IFT140: variants seen among roughly 807,000 people sequenced by gnomAD.
IFT140 encodes the protein intraflagellar transport 140.
In IFT140, 133 loss-of-function variants were observed where a neutral mutation model predicts 164.6. The observed-to-expected ratio is 0.81, with a 90% CI of 0.70 to 0.93. The LOEUF (loss-of-function observed/expected upper bound fraction) is 0.93. IFT140 is among the 40% of genes least tolerant of loss of function. IFT140 has a pLI of 0.00. For synonymous variants in IFT140, 860 were observed against 817.3 expected, an observed-to-expected ratio of 1.05 and a Z score of -0.89; for missense variants, 2,045 against 1,972.3, an observed-to-expected ratio of 1.04 and a Z score of -0.70.
At chr16:1,534,540 C>T (rs1178115225) in intron 19 of IFT140, 11 of 1,604,312 alleles carry the variant, frequency 6.9e-6, no homozygotes, top group African/African-American at 4.0e-5. Flanking sequence ...CCAGGAGTCC[C>T]GAGGCACCGT....
intron 30 of IFT140, among the ~76,000 whole-genome samples, chr16:1,515,044 C>G (rs2141117690): frequency 6.6e-6 from 1 of 151,680 alleles, no homozygotes; most frequent in South Asian, 2.1e-4. Flanking sequence ...CAAATTAATC[C>G]AAAGGACAGA....
intron 3 of IFT140, among the ~76,000 whole-genome samples, chr16:1,603,225 G>C (rs911067534): frequency 2.6e-5 from 4 of 152,066 alleles, no homozygotes; most frequent in Admixed American, 2.0e-4. Context: ...TGCGTGGCTG[G>C]GTTCCCTAAA....
intron 3 of IFT140, among the ~76,000 whole-genome samples, chr16:1,605,563 G>A (rs556832941): frequency 4.7e-4 from 71 of 152,088 alleles, no homozygotes; most frequent in African/African-American, 1.6e-3. Context: ...CCGCCACCAC[G>A]CCCGGCTAAT....
intron 8 of IFT140, among the ~76,000 whole-genome samples, chr16:1,587,591 C>T (rs2034954317): frequency 6.6e-6 from 1 of 152,242 alleles, no homozygotes; most frequent in African/African-American, 2.4e-5. Context: ...CCGGACAGCA[C>T]ACTGAGCTAA....
chr16:1,516,139 CAAAAAAAAAAAAAAAAAAAAAAAA>C (rs869165237), intron 30 of IFT140, among the ~76,000 whole-genome samples: 15 of 46,024 alleles, frequency 3.3e-4, no homozygotes, highest in South Asian at 2.2e-3. Context: ...AACTCTGTCT[CAAAAAAAAAAAAAAAAAAAAAAAA>C]AAAAAAAAAA....
chr16:1,534,599 T>A, intron 19 of IFT140: 2 of 1,595,132 alleles, frequency 1.3e-6, no homozygotes, highest in Non-Finnish European at 1.7e-6. Context: ...TGGCCGAGGC[T>A]CGAGGGCACA....
intron 26 of IFT140, among the ~76,000 whole-genome samples, chr16:1,523,218 CAAAAAAA>C (rs397855579): frequency 1.9e-5 from 2 of 103,132 alleles, no homozygotes; most frequent in Non-Finnish European, 4.3e-5. Context: ...GACCCTGTCT[CAAAAAAA>C]AAAAAAAAAA....
chr16:1,611,399 G>C (rs1425911303), intron 1 of IFT140, among the ~76,000 whole-genome samples: 1 of 151,972 alleles, frequency 6.6e-6, no homozygotes, highest in Non-Finnish European at 1.5e-5. Context: ...ACAGGAGGCT[G>C]AGGGAGGAGA....
Position 1,558,140 on chromosome 16 carries a change from T to C in IFT140, c.2200-6A>G. 6.2e-7 allele frequency: 1 copy of C among 1,614,036 alleles called. No homozygotes were observed. The highest frequency in any genetic ancestry group is 8.5e-7 in the Non-Finnish European group (1 of 1,179,936). ...TCTCTGTCTGCTTCTTCGGGCTAAATGACAAAGGACCCATGTGTTTGTTAA... is the reference window on the plus strand; with the variant it reads ...TCTCTGTCTGCTTCTTCGGGCTAAACGACAAAGGACCCATGTGTTTGTTAA... On this transcript the variant is annotated splice_polypyrimidine_tract_variant and splice_region_variant and intron_variant, in intron 18 of 30. Coordinates refer to ENST00000426508, the MANE Select transcript of IFT140 (RefSeq NM_014714.4).
At chr16:1,557,914 C>A (rs373184741) in intron 19 of IFT140, 21 bp downstream of exon 19, 4 of 1,609,660 alleles carry the variant, frequency 2.5e-6, no homozygotes, top group Admixed American at 1.7e-5. Context: ...CTCCCAACAT[C>A]CCAGTGGTCG....
intron 4 of IFT140, among the ~76,000 whole-genome samples, chr16:1,601,640 T>A (rs1403247745): frequency 6.6e-6 from 1 of 152,224 alleles, no homozygotes; most frequent in Non-Finnish European, 1.5e-5. Flanking sequence ...TTCTTTCAAC[T>A]CCTCTCATAA....
chr16:1,518,319 C>T lies in IFT140; in HGVS notation c.4079G>A (p.Cys1360Tyr). ...GTCTGGTTCCTCCAGGAGCAGCTCA[C>T]ACTGCTTGATGGACTCCTTGGGGTC... ...TEDPKESIKQ[C>Y]ELLLEEPDLD... Residue 1360 changes from cysteine to tyrosine, a missense_variant, in exon 30 of 31, where the codon TGT becomes TAT. Cys to Tyr is a radical substitution (Grantham distance 194). Coordinates refer to ENST00000426508, the MANE Select transcript of IFT140 (RefSeq NM_014714.4). 1 of 1,614,088 alleles carries T rather than the reference C, an allele frequency of 6.2e-7. No individual in the cohort carries two copies. The highest frequency in any genetic ancestry group is 8.5e-7 in the Non-Finnish European group (1 of 1,180,002).
intron 8 of IFT140, among the ~76,000 whole-genome samples, chr16:1,587,574 G>T (rs2034953152): frequency 6.6e-6 from 1 of 152,202 alleles, no homozygotes; most frequent in Non-Finnish European, 1.5e-5. Flanking sequence ...CAGAGCACGA[G>T]ATGGCCCCGG....
intron 4 of IFT140, among the ~76,000 whole-genome samples, chr16:1,598,318 C>T (rs112082117): frequency 2.1e-4 from 32 of 152,076 alleles, no homozygotes; most frequent in African/African-American, 7.2e-4. Flanking sequence ...ATTAGCCAGG[C>T]GTGGTGGCGG....
intron 7 of IFT140, among the ~76,000 whole-genome samples, chr16:1,589,169 A>G (rs981998847): frequency 6.6e-6 from 1 of 152,200 alleles, no homozygotes; most frequent in Non-Finnish European, 1.5e-5. Context: ...GTCATCTGCA[A>G]GAGCATCTTT....
intron 12 of IFT140, among the ~76,000 whole-genome samples, chr16:1,583,101 G>A (rs1290241108): frequency 2.0e-5 from 3 of 152,144 alleles, no homozygotes; most frequent in Non-Finnish European, 2.9e-5. Context: ...ACAAAAGCAC[G>A]GTGGTTGTTT....
At chr16:1,525,749 C>T (rs866706307) in intron 21 of IFT140, 138 bp downstream of exon 21, 45 of 914,736 alleles carry the variant, frequency 4.9e-5, no homozygotes, top group Non-Finnish European at 6.5e-5. Flanking sequence ...AGCTTCCTGC[C>T]GAGAAGGCTG....
In IFT140 at chr16:1,538,179, C is replaced by T. The variant is rs138840050; in HGVS notation, c.2400-11383G>A. On this transcript the variant is annotated intron_variant, in intron 19 of 30. Transcript: ENST00000426508. ...CAGGAGTGCCTCCTTCCTGGCAGGG[C>T]GGTGGGTCTGTGGGTGCCCTTGTGG... Among the ~76,000 whole-genome samples, 12 of 152,278 alleles carry T rather than the reference C, an allele frequency of 7.9e-5. No individual in the cohort carries two copies. The East Asian group carries it at 1.9e-3, about 25-fold the overall frequency.
rs1304827401 is a variant in IFT140 at position 1,524,653 on chromosome 16, A to G, written c.3040T>C (p.Tyr1014His). The change falls in exon 24 of 31, where the codon TAC (tyrosine) becomes CAC (histidine). Residue 1014 changes from tyrosine (Y) to histidine (H), a missense_variant. Tyr to His is a moderately conservative substitution (Grantham distance 83, BLOSUM62 2). Transcript: ENST00000426508. The stretch of plus-strand genomic sequence containing the variant: ...CTCTCGTACTGGCGGGCGAGGTGGT[A>G]GGAGGCCGCCAGGTTTCCTGTCTCG... The part of the protein sequence containing the change: ...ANETGNLAAS[Y>H]HLARQYESQE... The G allele has an allele frequency of 6.3e-7, 1 of 1,583,476 alleles. No homozygotes were observed. The highest frequency in any genetic ancestry group is 8.6e-7 in the Non-Finnish European group (1 of 1,160,180).
Sources: allele counts gnomAD v4.1 joint callset (sites outside exome capture counted in the v4.1 genomes callset), GRCh38; gene constraint gnomAD v4.1.1; transcripts MANE v1.5; gene names NCBI Gene and HGNC (gene_info 2026-07-23, HGNC 2026-07-21).